Variants in COL22A1 observed in about 807,000 individuals in gnomAD.
COL22A1 encodes the protein collagen type XXII alpha 1 chain, also known as collagen alpha-1(XXII) chain.
A neutral mutation model predicts 248.9 loss-of-function variants in COL22A1; 221 were observed. That is an observed-to-expected ratio of 0.89 (90% CI 0.80 to 0.99). The LOEUF is 0.99. COL22A1 is among the 50% of genes least tolerant of loss of function. The pLI, the probability that COL22A1 is intolerant of heterozygous loss-of-function variation, is 0.00. For synonymous variants in COL22A1, 891 were observed against 793.4 expected, an observed-to-expected ratio of 1.12 and a Z score of -2.07; for missense variants, 2,240 against 2,179.0, an observed-to-expected ratio of 1.03 and a Z score of -0.56.
intron 64 of COL22A1, among the ~76,000 whole-genome samples, chr8:138,590,443 G>C (rs1816945313): frequency 6.6e-6 from 1 of 151,974 alleles, no homozygotes; most frequent in African/African-American, 2.4e-5. Flanking sequence ...AATGGTTTCT[G>C]TTCTGCCATT....
At chr8:138,640,054 G>A (rs1283709109) in intron 47 of COL22A1, among the ~76,000 whole-genome samples, 2 of 152,156 alleles carry the variant, frequency 1.3e-5, no homozygotes, top group African/African-American at 4.8e-5. Context: ...TGTGATAGGT[G>A]GTTGTATCAG....
At chr8:138,627,248 C>T (rs1427560542) in intron 50 of COL22A1, among the ~76,000 whole-genome samples, 1 of 152,148 alleles carries the variant, frequency 6.6e-6, no homozygotes, top group Non-Finnish European at 1.5e-5. Context: ...GGGTTCCTTC[C>T]TGGATGCTTA....
intron 34 of COL22A1, 94 bp from the exon 35 acceptor site, chr8:138,693,793 C>T: frequency 7.5e-7 from 1 of 1,334,974 alleles, no homozygotes; most frequent in Non-Finnish European, 1.0e-6. Context: ...CCGTGCTCAT[C>T]AGAAGCATTA....
rs111396685 is a variant in COL22A1, at chr8:138,883,107, G to A, written c.66C>T (p.Gly22=). ...CTGCCCGCTGAGCCTGGCAGCCGCC[G>A]CCCCCACTCCACAGCAGCAGCATCC... ...LLWMLLLWSG[G]GGCQAQRAGC... Residue 22 remains glycine, a synonymous_variant, in exon 2 of 65, where the codon GGC becomes GGT. Transcript: ENST00000303045. 3,620 of 1,592,436 alleles carry A rather than the reference G, an allele frequency of 2.3e-3. 7 individuals carry two copies. The highest frequency in any genetic ancestry group is 2.7e-3 in the Non-Finnish European group (3,207 of 1,170,952).
chr8:138,603,475 G>C lies in COL22A1; in HGVS notation c.4140+1259C>G, dbSNP rs545517252. On this transcript the variant is annotated intron_variant, in intron 59 of 64. Transcript: ENST00000303045. ...AAGGTGGAGATATACTGGGCATGAGGAAGCAGGAGGCTCCCATTCTAAGGG... is the reference window on the plus strand; with the variant it reads ...AAGGTGGAGATATACTGGGCATGAGCAAGCAGGAGGCTCCCATTCTAAGGG... 3.9e-5 allele frequency among the ~76,000 whole-genome samples: 6 copies of C among 152,290 alleles called. No individual in the cohort carries two copies. In the South Asian group the frequency reaches 1.0e-3, roughly 26 times the overall value.
In COL22A1 at chr8:138,594,117, A is replaced by C. The variant is rs866028615; in HGVS notation, c.4515T>G (p.Pro1505=). The change falls in exon 63 of 65, where the codon CCT becomes CCG. Residue 1505 remains proline, a synonymous_variant. Transcript: ENST00000303045. ...SQGRPGPPGP[P]GKDGLPGRAG... is the part of the protein sequence containing the mutation. ...CCCGGCCTGGAAGCCCATCTTTTCC[A>C]GGGGGCCCTGGGGGCCCAGGTCTGC... is the stretch of plus-strand genomic sequence containing the variant. 7.0e-6 allele frequency: 11 copies of C among 1,581,034 alleles called. No homozygotes were observed. In the African/African-American group the frequency reaches 1.2e-4, roughly 18 times the overall value.
intron 64 of COL22A1, among the ~76,000 whole-genome samples, chr8:138,589,733 A>C (rs1189096383): frequency 1.3e-5 from 2 of 152,112 alleles, no homozygotes; most frequent in African/African-American, 4.8e-5. Context: ...GGTAGGGCAT[A>C]TTTCTCCACT....
chr8:138,891,704 C>T (rs962962784), intron 1 of COL22A1, among the ~76,000 whole-genome samples: 1 of 152,156 alleles, frequency 6.6e-6, no homozygotes, highest in African/African-American at 2.4e-5. Context: ...AGCAACATTG[C>T]TTCTCCCAGG....
At chr8:138,685,374 G>A (rs1212297117) in intron 37 of COL22A1, 62 bp from the exon 38 acceptor site, 1 of 1,393,092 alleles carries the variant, frequency 7.2e-7, no homozygotes, top group African/African-American at 1.4e-5. Context: ...TTTTCTATGG[G>A]GGAGCAGCTT....
At chr8:138,859,838 G>T (rs909532371) in intron 3 of COL22A1, among the ~76,000 whole-genome samples, 1 of 152,174 alleles carries the variant, frequency 6.6e-6, no homozygotes, top group Admixed American at 6.5e-5. Context: ...CTGCATCCTG[G>T]GCTCTGCTAC....
rs1189191746 is a variant in COL22A1 at position 138,901,372 on chromosome 8, T to TTTTG, written c.-73+12246_-73+12247insCAAA. On this transcript the variant is annotated intron_variant, in intron 1 of 64. Coordinates refer to ENST00000303045, the MANE Select transcript of COL22A1 (RefSeq NM_152888.3). The stretch of plus-strand genomic sequence containing the variant: ...ATTACTGGCAGGTTTTTTTTTTGTT[T>TTTTG]TTTTTTTTTTTTGAGACAGTCTCTC... Among the ~76,000 whole-genome samples the TTTTG allele has an allele frequency of 1.2e-4, 16 of 137,602 alleles. 3 individuals carry two copies. Among genetic ancestry groups the TTTTG allele is most frequent in the South Asian group, 7.5e-4 (3 of 3,998 alleles). 90.3% of individuals were successfully genotyped at this position (137,602 alleles called of 152,430 possible).
chr8:138,854,887 AATGGTGGTGATG>A (rs569516229), intron 3 of COL22A1, among the ~76,000 whole-genome samples: 7 of 151,414 alleles, frequency 4.6e-5, no homozygotes, highest in African/African-American at 1.7e-4. Context: ...CAGTGGTAGC[AATGGTGGTGATG>A]GTGGTGGTGA....
chr8:138,877,557 G>C (rs2132039141), intron 3 of COL22A1, among the ~76,000 whole-genome samples, 193 bp downstream of exon 3: 1 of 152,244 alleles, frequency 6.6e-6, no homozygotes, highest in South Asian at 2.1e-4. Flanking sequence ...GAATGTCCAG[G>C]GGGTGCCCAT....
At chr8:138,596,760 G>T in intron 62 of COL22A1, 144 bp downstream of exon 62, 1 of 712,894 alleles carries the variant, frequency 1.4e-6, no homozygotes, top group Admixed American at 2.2e-5. Flanking sequence ...AGTCTTCAGG[G>T]CATTCCCCAA....
At chr8:138,775,603 G>A (rs1410316780) in intron 16 of COL22A1, among the ~76,000 whole-genome samples, 2 of 152,126 alleles carry the variant, frequency 1.3e-5, no homozygotes, top group South Asian at 2.1e-4. Flanking sequence ...TATGTAACTT[G>A]CCAAGTAAGA....
At chr8:138,787,326 G>GA (rs1402894636) in intron 12 of COL22A1, among the ~76,000 whole-genome samples, 4 of 151,920 alleles carry the variant, frequency 2.6e-5, no homozygotes, top group Non-Finnish European at 5.9e-5. Context: ...AAAGAGAAGG[G>GA]AAAAAAAGCC....
At chr8:138,760,352 G>T in intron 17 of COL22A1, 65 bp from the exon 18 acceptor site, 5 of 1,474,876 alleles carry the variant, frequency 3.4e-6, no homozygotes, top group Non-Finnish European at 4.6e-6. Flanking sequence ...GGGTGTTGGG[G>T]AGAAACAGGT....
chr8:138,635,778 T>C (rs2132028010), intron 48 of COL22A1, among the ~76,000 whole-genome samples: 1 of 152,304 alleles, frequency 6.6e-6, no homozygotes, highest in South Asian at 2.1e-4. Flanking sequence ...TTGCCTTTGA[T>C]AAGTCATTCT....
In COL22A1 at chr8:138,729,207, C is replaced by T. The variant is rs375025357; in HGVS notation, c.2140-3767G>A. ...GATACAGCACCCTGATCCCTTCTCT[C>T]CTCCCAAGCCCAGTACCCCAGCCTT... On this transcript the variant is annotated intron_variant, in intron 23 of 64. Transcript: ENST00000303045. 7.9e-5 allele frequency among the ~76,000 whole-genome samples: 12 copies of T among 152,278 alleles called. No homozygotes were observed. The East Asian group carries it at 2.3e-3, about 29-fold the overall frequency.
Sources: allele counts gnomAD v4.1 joint callset (sites outside exome capture counted in the v4.1 genomes callset), GRCh38; gene constraint gnomAD v4.1.1; transcripts MANE v1.5; gene names NCBI Gene and HGNC (gene_info 2026-07-23, HGNC 2026-07-21).